The following RYR1 variants were observed in gnomAD, a reference collection of about 807,000 sequenced individuals.
RYR1 encodes the protein central core disease of muscle.
A neutral mutation model predicts 583.5 loss-of-function variants in RYR1; 342 were observed. That is an observed-to-expected ratio of 0.59 (90% CI 0.54 to 0.64). The LOEUF is 0.64. Ranked by LOEUF, RYR1 falls within the 30% of genes least tolerant of loss-of-function variation. RYR1 has a pLI of 0.00. For missense variants in RYR1, 6,032 were observed against 6,917.2 expected (o/e 0.87, Z 4.54); for synonymous variants, 2,791 against 2,822.5 (o/e 0.99, Z 0.35).
intron 42 of RYR1, among the ~76,000 whole-genome samples, chr19:38,497,598 C>T (rs1041951310): frequency 1.3e-5 from 2 of 152,152 alleles, no homozygotes; most frequent in Non-Finnish European, 2.9e-5. Context: ...CAGTCAGTAA[C>T]GTTAGCTGCT....
intron 63 of RYR1, among the ~76,000 whole-genome samples, chr19:38,514,415 G>T (rs1970864304): frequency 6.6e-6 from 1 of 151,376 alleles, no homozygotes; most frequent in African/African-American, 2.4e-5. Flanking sequence ...CGAGTAGCTG[G>T]GATTACAGGC....
chr19:38,527,719 G>T lies in RYR1; in HGVS notation c.10759G>T (p.Asp3587Tyr). Residue 3587 changes from aspartate (D) to tyrosine (Y), a missense_variant, in exon 73 of 106, where the codon GAT (aspartate) becomes TAT (tyrosine). By Grantham distance (160) the Asp-to-Tyr change is radical. Transcript: ENST00000359596. ...CGTCCCGGGTCGCGAGGAGGACGCCGATGACCCCGAGAAAATCGTGCGCAG... is the reference window on the plus strand; with the variant it reads ...CGTCCCGGGTCGCGAGGAGGACGCCTATGACCCCGAGAAAATCGTGCGCAG... ...RGVPGREEDA[D>Y]DPEKIVRRVQ... is the part of the protein sequence containing the mutation. The T allele has an allele frequency of 6.2e-7, 1 of 1,614,074 alleles. No homozygotes were observed. Among genetic ancestry groups the T allele is most frequent in the South Asian group, 1.1e-5 (1 of 91,074 alleles).
chr19:38,505,841 C>T lies in RYR1; in HGVS notation c.8436C>T (p.Ser2812=), dbSNP rs376690275. The change falls in exon 54 of 106, where the codon TCC becomes TCT. Residue 2812 remains serine, a synonymous_variant. Coordinates refer to ENST00000359596, the MANE Select transcript of RYR1 (RefSeq NM_000540.3). ...KEIYRWPIKE[S]LKAMIAWEWT... is the part of the protein sequence containing the mutation. ...TTTACCGCTGGCCCATCAAGGAGTC[C>T]CTGAAGGCCATGATTGCCTGGGAAT... 1 of 1,613,966 alleles carries T rather than the reference C, an allele frequency of 6.2e-7. No homozygotes were observed. The highest frequency in any genetic ancestry group is 1.3e-5 in the African/African-American group (1 of 74,870).
At chr19:38,570,048 C>T (rs1973642146) in intron 93 of RYR1, among the ~76,000 whole-genome samples, 1 of 152,108 alleles carries the variant, frequency 6.6e-6, no homozygotes. Flanking sequence ...CCTGTAATCC[C>T]AGCTACTTAG....
chr19:38,535,515 G>A (rs185729773), intron 81 of RYR1, 123 bp downstream of exon 81: 30 of 799,664 alleles, frequency 3.8e-5, no homozygotes, highest in Non-Finnish European at 5.6e-5. Flanking sequence ...ACTCAGAATC[G>A]CTCAAATAAC....
At chr19:38,484,273 C>A (rs1422201498) in intron 33 of RYR1, among the ~76,000 whole-genome samples, 1 of 152,250 alleles carries the variant, frequency 6.6e-6, no homozygotes, top group East Asian at 1.9e-4. Context: ...GCCTGGGCAA[C>A]AGAGCAAGAT....
intron 100 of RYR1, 112 bp downstream of exon 100, chr19:38,580,240 G>T (rs962079741): frequency 6.3e-7 from 1 of 1,589,966 alleles, no homozygotes; most frequent in African/African-American, 1.3e-5. Context: ...GGCCAGGTGC[G>T]CTGAGCCGGG....
rs571240190 is a variant in RYR1, at chr19:38,520,260, C to T, written c.10259+806C>T. 2.7e-5 allele frequency among the ~76,000 whole-genome samples: 4 copies of T among 150,940 alleles called. No individual in the cohort carries two copies. In the East Asian group the frequency reaches 8.0e-4, roughly 30 times the overall value. On this transcript the variant is annotated intron_variant, in intron 67 of 105. Coordinates refer to ENST00000359596, the MANE Select transcript of RYR1 (RefSeq NM_000540.3). ...GCTAATTCTTGTATTTTTATGGGGT[C>T]TCACTATGTTGCCCAGGTTGGTCTT...
chr19:38,512,932 T>C lies in RYR1; in HGVS notation c.9472+449T>C, dbSNP rs1385705068. 1.3e-5 allele frequency among the ~76,000 whole-genome samples: 2 copies of C among 152,140 alleles called. No homozygotes were observed. Among genetic ancestry groups the C allele is most frequent in the Non-Finnish European group, 2.9e-5 (2 of 68,026 alleles). Reference sequence around the variant, plus strand: ...TGGAGGCTGCAATGAGCTATGATCATACCACTGCACTCCAGCCTGGACAAC... The same window carrying C: ...TGGAGGCTGCAATGAGCTATGATCACACCACTGCACTCCAGCCTGGACAAC... On this transcript the variant is annotated intron_variant, in intron 63 of 105. Transcript: ENST00000359596. This position sits in a 1 kb window ranked among gnomAD's most constrained non-coding sequence, Gnocchi z 5.1.
chr19:38,523,966 G>A (rs368451943), intron 70 of RYR1, 37 bp downstream of exon 70: 75 of 1,612,758 alleles, frequency 4.7e-5, no homozygotes, highest in Non-Finnish European at 6.3e-5. Flanking sequence ...CATGTCTCTT[G>A]GCTAATGCCC....
intron 2 of RYR1, 121 bp downstream of exon 2, chr19:38,440,985 A>T: frequency 3.2e-5 from 17 of 539,396 alleles, no homozygotes; most frequent in South Asian, 5.0e-5. Context: ...GAAAGTGAGG[A>T]GGGGGGCTAA....
Position 38,455,650 on chromosome 19 carries a change from T to C in RYR1, c.1690T>C (p.Tyr564His), listed in dbSNP as rs767862786. Residue 564 changes from tyrosine to histidine, a missense_variant, in exon 16 of 106, where the codon TAC becomes CAC. Physicochemically the swap from Tyr to His is moderately conservative, Grantham distance 83. Transcript: ENST00000359596. ...CCTGGCAGGCATCCTGGAGGTCCTG[T>C]ACTGTGTCCTCATTGAGAGTCCAGA... ...EASSGILEVL[Y>H]CVLIESPEVL... 23 of 1,613,662 alleles carry C rather than the reference T, an allele frequency of 1.4e-5. No individual in the cohort carries two copies. The highest frequency in any genetic ancestry group is 3.3e-5 in the Admixed American group (2 of 60,004).
rs77310009 is a variant in RYR1, at chr19:38,499,974, C to T, written c.7281C>T (p.Ala2427=). The T allele has an allele frequency of 5.3e-3, 8,589 of 1,614,144 alleles. 230 individuals carry two copies. The East Asian group carries it at 0.072, about 14-fold the overall frequency. ...HLGHAIMSFY[A]ALIDLLGRCA... is the part of the protein sequence containing the mutation. ...GACACGCCATCATGTCCTTCTATGC[C>T]GCCTTGATCGACCTGCTCGGACGCT... is the stretch of plus-strand genomic sequence containing the variant. The change falls in exon 45 of 106, where the codon GCC becomes GCT. Residue 2427 remains alanine (A), a synonymous_variant. Coordinates refer to ENST00000359596, the MANE Select transcript of RYR1 (RefSeq NM_000540.3). The surrounding 1 kb of genome is among the most constrained non-coding windows in gnomAD (Gnocchi z 7.3).
chr19:38,433,936 T>G, intron 1 of RYR1, 62 bp downstream of exon 1: 1 of 1,395,800 alleles, frequency 7.2e-7, no homozygotes, highest in Non-Finnish European at 1.0e-6. Flanking sequence ...AGGGTCTCTC[T>G]GTCTCTGAAT....
At chr19:38,473,136 G>A (rs1159723735) in intron 27 of RYR1, among the ~76,000 whole-genome samples, 2 of 152,040 alleles carry the variant, frequency 1.3e-5, no homozygotes, top group Non-Finnish European at 2.9e-5. Flanking sequence ...TCCAGTGTGT[G>A]TCCGGGGCTG....
chr19:38,535,346 GA>G lies in RYR1; in HGVS notation c.11472del (p.Val3825LeufsTer10). On this transcript the variant is annotated frameshift_variant, in exon 81 of 106. Coordinates refer to ENST00000359596, the MANE Select transcript of RYR1 (RefSeq NM_000540.3). LOFTEE classifies it high-confidence loss of function. ...KMLDYLKDKK[E>X]VGFFQSIQAL... ...GCTGGATTATCTTAAGGACAAGAAG[GA>G]AGTTGGCTTCTTCCAGAGTATCCAG... 2 of 1,614,122 alleles carry G rather than the reference GA, an allele frequency of 1.2e-6. No homozygotes were observed. The highest frequency in any genetic ancestry group is 1.7e-6 in the Non-Finnish European group (2 of 1,180,006).
intron 69 of RYR1, 37 bp from the exon 70 acceptor site, chr19:38,523,877 TA>T (rs1284204160): frequency 6.2e-7 from 1 of 1,613,538 alleles, no homozygotes; most frequent in South Asian, 1.1e-5. Context: ...GGGGCTGGGG[TA>T]ACCCTTCTTG....
At chr19:38,538,893 A>G (rs79900804) in intron 84 of RYR1, among the ~76,000 whole-genome samples, 3,461 of 152,342 alleles carry the variant, frequency 0.023, 95 homozygotes, top group Admixed American at 0.073. Flanking sequence ...AAAATTCTGC[A>G]CAAAAAACAT....
intron 101 of RYR1, among the ~76,000 whole-genome samples, chr19:38,581,366 T>C (rs1235083553): frequency 6.6e-6 from 1 of 151,938 alleles, no homozygotes; most frequent in Admixed American, 6.6e-5. Flanking sequence ...CATGAGCCAC[T>C]GCGCCCGGCC....
Sources: allele counts gnomAD v4.1 joint callset (sites outside exome capture counted in the v4.1 genomes callset), GRCh38; gene constraint gnomAD v4.1.1; non-coding constraint Gnocchi (gnomAD v3.1); transcripts MANE v1.5; gene names NCBI Gene and HGNC (gene_info 2026-07-23, HGNC 2026-07-21).